The following FCHO2 variants were observed in gnomAD, a reference collection of about 807,000 sequenced individuals.
The protein encoded by FCHO2 is FCH and mu domain containing endocytic adaptor 2.
A neutral mutation model predicts 114.1 loss-of-function variants in FCHO2; 43 were observed. That is an observed-to-expected ratio of 0.38 (90% CI 0.30 to 0.49). The LOEUF (loss-of-function observed/expected upper bound fraction) is 0.49, where lower values mean the gene tolerates loss of function less well. Ranked by LOEUF, FCHO2 falls within the 20% of genes least tolerant of loss-of-function variation. The pLI is 0.97. For synonymous variants in FCHO2, 293 were observed against 315.2 expected (o/e 0.93, Z 0.75); for missense variants, 807 against 950.4 (o/e 0.85, Z 1.98).
At chr5:73,041,207 T>G in intron 10 of FCHO2, 84 bp from the exon 11 acceptor site, 2 of 847,600 alleles carry the variant, frequency 2.4e-6, no homozygotes, top group Middle Eastern at 4.5e-4. Flanking sequence ...AAGCTATATT[T>G]AAGTACCAAA....
intron 18 of FCHO2, among the ~76,000 whole-genome samples, chr5:73,068,066 A>G (rs1174408751): frequency 1.3e-5 from 2 of 152,064 alleles, no homozygotes; most frequent in Non-Finnish European, 1.5e-5. Context: ...TGTAAACACC[A>G]AAAGTGTAAA....
Position 73,081,826 on chromosome 5 carries a change from C to T in FCHO2, c.2024C>T (p.Thr675Ile), listed in dbSNP as rs200106277. 6.2e-7 allele frequency: 1 copy of T among 1,603,350 alleles called. No homozygotes were observed. The highest frequency in any genetic ancestry group is 2.3e-5 in the East Asian group (1 of 44,374). ...GIQSTPLNLA[T>I]YWKCSASTTD... Reference sequence around the variant, plus strand: ...CAGTCCACTCCTCTGAATCTTGCAACATACTGGAAATGTAGTGCTAGCACC... The same window carrying T: ...CAGTCCACTCCTCTGAATCTTGCAATATACTGGAAATGTAGTGCTAGCACC... The change falls in exon 23 of 26, where the codon ACA (threonine) becomes ATA (isoleucine). Residue 675 changes from threonine (T) to isoleucine (I), a missense_variant. Physicochemically the swap from Thr to Ile is moderately conservative, Grantham distance 89. Transcript: ENST00000430046.
chr5:72,964,548 C>T (rs1236917144), intron 1 of FCHO2, among the ~76,000 whole-genome samples: 1 of 152,108 alleles, frequency 6.6e-6, no homozygotes, highest in African/African-American at 2.4e-5. Flanking sequence ...CCACACCTGG[C>T]AAATTTGTAA....
chr5:72,999,821 G>A (rs1754334155), intron 5 of FCHO2, among the ~76,000 whole-genome samples: 1 of 152,052 alleles, frequency 6.6e-6, no homozygotes, highest in Non-Finnish European at 1.5e-5. Flanking sequence ...GTTTTTGGTA[G>A]TATATTAATT....
chr5:73,037,549 A>G (rs1424236985), intron 10 of FCHO2, among the ~76,000 whole-genome samples: 2 of 152,126 alleles, frequency 1.3e-5, no homozygotes, highest in African/African-American at 4.8e-5. Context: ...AAATTCATCA[A>G]AGTCTTAATG....
Position 73,088,059 on chromosome 5 carries a change from GT to G in FCHO2, c.2411-4del. 1 of 1,613,450 alleles carries G rather than the reference GT, an allele frequency of 6.2e-7. No individual in the cohort carries two copies. Among genetic ancestry groups the G allele is most frequent in the South Asian group, 1.1e-5 (1 of 90,948 alleles). On this transcript the variant is annotated splice_region_variant and splice_polypyrimidine_tract_variant and intron_variant, in intron 25 of 25. Transcript: ENST00000430046. ...TTGTAATTGCAAAGGTCTGCTTGGC[GT>G]TTTTCAGGACGATACCTGGCGGATT... is the stretch of plus-strand genomic sequence containing the variant.
intron 2 of FCHO2, among the ~76,000 whole-genome samples, chr5:72,972,710 T>G (rs1268003733): frequency 2.0e-5 from 3 of 152,170 alleles, no homozygotes; most frequent in Non-Finnish European, 4.4e-5. Context: ...TCCTGCCTAA[T>G]TGCCCTGGCT....
intron 18 of FCHO2, 43 bp from the exon 19 acceptor site, chr5:73,068,607 G>A (rs1742478402): frequency 2.5e-6 from 4 of 1,593,240 alleles, no homozygotes; most frequent in Admixed American, 1.7e-5. Flanking sequence ...TAACAAGAGA[G>A]GTATTGTTTT....
At chr5:73,049,717 TGTTAAA>T (rs1757253403) in intron 11 of FCHO2, among the ~76,000 whole-genome samples, 1 of 152,212 alleles carries the variant, frequency 6.6e-6, no homozygotes, top group East Asian at 1.9e-4. Context: ...TTCTTGAAGC[TGTTAAA>T]ATGCATTAAA....
intron 24 of FCHO2, among the ~76,000 whole-genome samples, chr5:73,085,008 A>C (rs957413605): frequency 1.3e-5 from 2 of 152,240 alleles, no homozygotes; most frequent in African/African-American, 4.8e-5. Context: ...CAATATAATG[A>C]AACTATACTA....
At chr5:73,010,415 T>G (rs1447200214) in intron 6 of FCHO2, among the ~76,000 whole-genome samples, 1 of 152,172 alleles carries the variant, frequency 6.6e-6, no homozygotes, top group African/African-American at 2.4e-5. Context: ...TATGGAAACT[T>G]TGAGATTTGT....
intron 8 of FCHO2, among the ~76,000 whole-genome samples, chr5:73,027,485 T>TC (rs1280743324): frequency 6.6e-6 from 1 of 152,036 alleles, no homozygotes; most frequent in Non-Finnish European, 1.5e-5. Flanking sequence ...GAAACGTTTG[T>TC]CTAATCCAAG....
intron 2 of FCHO2, among the ~76,000 whole-genome samples, chr5:72,982,069 C>A (rs994156023): frequency 1.1e-3 from 161 of 152,240 alleles, no homozygotes; most frequent in African/African-American, 3.8e-3. Flanking sequence ...TCCTGGTCTG[C>A]GGGTTGCAAA....
chr5:73,046,348 T>G (rs1757056726), intron 11 of FCHO2, among the ~76,000 whole-genome samples: 1 of 152,188 alleles, frequency 6.6e-6, no homozygotes, highest in African/African-American at 2.4e-5. Flanking sequence ...ATTATAGGCC[T>G]GAGCCACCGT....
At chr5:72,982,834 T>C (rs1040772101) in intron 2 of FCHO2, among the ~76,000 whole-genome samples, 1 of 151,688 alleles carries the variant, frequency 6.6e-6, no homozygotes, top group African/African-American at 2.4e-5. Context: ...TCATTTTTTT[T>C]TTTTTTTTTT....
intron 24 of FCHO2, among the ~76,000 whole-genome samples, chr5:73,083,568 G>T (rs376425820): frequency 0.034 from 5,190 of 152,292 alleles, 134 homozygotes; most frequent in Non-Finnish European, 0.054. Flanking sequence ...TGACCTCCCA[G>T]AAATCATGTA....
intron 2 of FCHO2, among the ~76,000 whole-genome samples, chr5:72,970,112 A>C (rs2112607916): frequency 1.3e-5 from 2 of 151,304 alleles, no homozygotes; most frequent in Middle Eastern, 6.8e-3. Context: ...GGTTTTTTTG[A>C]AATATAGTAC....
intron 8 of FCHO2, among the ~76,000 whole-genome samples, chr5:73,025,194 T>A (rs1755848550): frequency 6.6e-6 from 1 of 151,962 alleles, no homozygotes; most frequent in Non-Finnish European, 1.5e-5. Flanking sequence ...AGCTTTTTCA[T>A]ATGTTTTTGT....
chr5:73,089,392 A>G lies in FCHO2; in HGVS notation c.*1302A>G, dbSNP rs189800041. On this transcript the variant is annotated 3_prime_UTR_variant, in exon 26 of 26. Coordinates refer to ENST00000430046, the MANE Select transcript of FCHO2 (RefSeq NM_138782.3). ...AGGAGAAGCACTGCCATTTGTTTTT[A>G]TTTCAACAATTGGAAAAATTACCAA... The G allele has an allele frequency of 1.3e-5, 2 of 152,222 alleles. No homozygotes were observed. Among genetic ancestry groups the G allele is most frequent in the Admixed American group, 1.3e-4 (2 of 15,292 alleles). The allele number at this position is 152,222 out of a possible 1,614,324, so 9.4% of individuals were successfully genotyped here. A position where few individuals can be genotyped will look rare whatever the true frequency, so the allele number is the denominator to read the frequency against.
Sources: allele counts gnomAD v4.1 joint callset (sites outside exome capture counted in the v4.1 genomes callset), GRCh38; gene constraint gnomAD v4.1.1; transcripts MANE v1.5; gene names NCBI Gene and HGNC (gene_info 2026-07-23, HGNC 2026-07-21).